RYR2: variants seen among roughly 807,000 people sequenced by gnomAD.
RYR2 encodes ryanodine receptor 2, also known as cardiac muscle ryanodine receptor-calcium release channel.
In RYR2, 227 loss-of-function variants were observed where a neutral mutation model predicts 601.1. That is an observed-to-expected ratio of 0.38 (90% confidence interval 0.34 to 0.42). The LOEUF is 0.42. RYR2 is among the 10% of genes least tolerant of loss of function. The pLI is 1.00. For missense variants in RYR2, 4,646 were observed against 6,156.5 expected, an observed-to-expected ratio of 0.75 and a Z score of 8.21; for synonymous variants, 2,223 against 2,175.1, an observed-to-expected ratio of 1.02 and a Z score of -0.61.
intron 2 of RYR2, among the ~76,000 whole-genome samples, chr1:237,304,878 A>C (rs1225835451): frequency 2.0e-5 from 3 of 152,236 alleles, no homozygotes; most frequent in Non-Finnish European, 4.4e-5. Context: ...CAATCAATAC[A>C]AAAGTGACAA....
chr1:237,179,969 A>G (rs1256312240), intron 1 of RYR2, among the ~76,000 whole-genome samples: 1 of 152,118 alleles, frequency 6.6e-6, no homozygotes, highest in Non-Finnish European at 1.5e-5. Flanking sequence ...AGCGCAGAGC[A>G]AGGTTTCAGA....
rs185646395 is a variant in RYR2, at chr1:237,209,701, T to A, written c.49-60796T>A. On this transcript the variant is annotated intron_variant, in intron 1 of 104. Coordinates refer to ENST00000366574, the MANE Select transcript of RYR2 (RefSeq NM_001035.3). The stretch of plus-strand genomic sequence containing the variant: ...GACCCTGTCTCTACAAAAAATTTTT[T>A]AAAAATTAGCCAGGTGTGGTGATGC... Among the ~76,000 whole-genome samples, 917 of 152,102 alleles carry A rather than the reference T, an allele frequency of 6.0e-3. 10 individuals are homozygous for A. The highest frequency in any genetic ancestry group is 0.034 in the Middle Eastern group (10 of 294).
chr1:237,374,828 A>G (rs1167832643), intron 7 of RYR2, 33 bp downstream of exon 7: 1 of 1,559,220 alleles, frequency 6.4e-7, no homozygotes, highest in African/African-American at 1.4e-5. Context: ...AGCCAGGTTC[A>G]GAGAGAACCC....
chr1:237,511,847 A>AC lies in RYR2; in HGVS notation c.2822+56_2822+57insC, dbSNP rs1460880466. 1.9e-5 allele frequency: 19 copies of AC among 1,013,954 alleles called. No homozygotes were observed. The Admixed American group carries it at 2.4e-4, about 13-fold the overall frequency. 62.8% of individuals were successfully genotyped at this position (1,013,954 alleles called of 1,614,324 possible). On this transcript the variant is annotated intron_variant, in intron 24 of 104. Coordinates refer to ENST00000366574, the MANE Select transcript of RYR2 (RefSeq NM_001035.3). ...CCTGCCTTCCCTGAAAAAAAAAAAA[A>AC]AAAAAAAAAAAACAGGTATTGATGC...
chr1:237,777,536 CCTTT>C (rs1694765516), intron 87 of RYR2, among the ~76,000 whole-genome samples: 2 of 151,994 alleles, frequency 1.3e-5, no homozygotes, highest in African/African-American at 2.4e-5. Flanking sequence ...GTACTTTTTT[CCTTT>C]CTAAGTAAAA....
At chr1:237,616,606 T>C (rs1481771224) in intron 37 of RYR2, among the ~76,000 whole-genome samples, 3 of 152,126 alleles carry the variant, frequency 2.0e-5, no homozygotes, top group African/African-American at 7.2e-5. Context: ...AACTCTAGTC[T>C]CTTATCACTG....
At chr1:237,403,117 A>T (rs1703537551) in intron 10 of RYR2, among the ~76,000 whole-genome samples, 2 of 152,180 alleles carry the variant, frequency 1.3e-5, no homozygotes, top group South Asian at 4.1e-4. Context: ...GAGTAAAGGA[A>T]GTATTTAATA....
intron 82 of RYR2, among the ~76,000 whole-genome samples, chr1:237,759,147 C>T (rs1693201198): frequency 1.3e-5 from 2 of 152,186 alleles, no homozygotes; most frequent in Non-Finnish European, 2.9e-5. Context: ...AGTGCAGTGG[C>T]ACCATCTCTG....
chr1:237,624,560 T>A (rs1006623575), intron 39 of RYR2, among the ~76,000 whole-genome samples: 11 of 152,172 alleles, frequency 7.2e-5, no homozygotes, highest in African/African-American at 2.4e-4. Context: ...TCACAAACAG[T>A]TGTATTTAAA....
chr1:237,773,397 A>G (rs570177583), intron 86 of RYR2, 123 bp from the exon 87 acceptor site: 27 of 596,354 alleles, frequency 4.5e-5, no homozygotes, highest in African/African-American at 4.4e-4. Context: ...CTTCACAGAT[A>G]TTTTTGTTTG....
At chr1:237,208,572 G>A (rs936463115) in intron 1 of RYR2, among the ~76,000 whole-genome samples, 1 of 152,004 alleles carries the variant, frequency 6.6e-6, no homozygotes, top group African/African-American at 2.4e-5. Context: ...CTGCTTTATG[G>A]TGGCATAATT....
At chr1:237,593,733 C>A in intron 33 of RYR2, 97 bp downstream of exon 33, 1 of 1,223,868 alleles carries the variant, frequency 8.2e-7, no homozygotes, top group Non-Finnish European at 1.2e-6. Context: ...CAAGGTATTT[C>A]TATTTATAGG....
intron 6 of RYR2, among the ~76,000 whole-genome samples, chr1:237,374,043 A>G (rs1700840669): frequency 6.6e-6 from 1 of 152,164 alleles, no homozygotes; most frequent in Non-Finnish European, 1.5e-5. Context: ...TGTCTTTTAT[A>G]AGGGAAGAAA....
chr1:237,618,742 C>T (rs1678762508), intron 38 of RYR2, among the ~76,000 whole-genome samples: 1 of 152,098 alleles, frequency 6.6e-6, no homozygotes, highest in Non-Finnish European at 1.5e-5. Flanking sequence ...AGTGGGGAAC[C>T]TTGACTTCCA....
chr1:237,066,673 G>A (rs755287336), intron 1 of RYR2, among the ~76,000 whole-genome samples: 4 of 145,656 alleles, frequency 2.7e-5, no homozygotes, highest in African/African-American at 5.1e-5. Flanking sequence ...ACGGAGTCTC[G>A]CTCTGTCGCC....
intron 29 of RYR2, among the ~76,000 whole-genome samples, chr1:237,575,789 T>C (rs1464364987): frequency 6.6e-6 from 1 of 152,188 alleles, no homozygotes; most frequent in East Asian, 1.9e-4. Context: ...TTTTCAAACT[T>C]GTAATATGAC....
In RYR2 at chr1:237,106,273, CCTGCACCAGCTCCCG is replaced by C. The variant is rs1668672391; in HGVS notation, c.48+63708_48+63722del. On this transcript the variant is annotated intron_variant, in intron 1 of 104. Transcript: ENST00000366574. The surrounding 1 kb of genome is among the most constrained non-coding windows in gnomAD (Gnocchi z 4.4). ...AGGGGTGGGCAGGGAGAACAGCTCCCCTGCACCAGCTCCCGCTGGGCTGCAGACAGGCTCTGATGT... is the reference window on the plus strand; with the variant it reads ...AGGGGTGGGCAGGGAGAACAGCTCCCCTGGGCTGCAGACAGGCTCTGATGT... 6.6e-6 allele frequency among the ~76,000 whole-genome samples: 1 copy of C among 152,210 alleles called. No individual in the cohort carries two copies. Among genetic ancestry groups the C allele is most frequent in the Non-Finnish European group, 1.5e-5 (1 of 68,038 alleles).
rs572217314 is a variant in RYR2 at position 237,390,573 on chromosome 1, T to C, written c.773+2390T>C. On this transcript the variant is annotated intron_variant, in intron 10 of 104. Transcript: ENST00000366574. ...AGAGGCAGCATTTAGCCAGATATGATTGAAAAGTTTGAGGGACTCTGGGCA... is the reference window on the plus strand; with the variant it reads ...AGAGGCAGCATTTAGCCAGATATGACTGAAAAGTTTGAGGGACTCTGGGCA... 2.6e-5 allele frequency among the ~76,000 whole-genome samples: 4 copies of C among 151,528 alleles called. No individual in the cohort carries two copies. The South Asian group carries it at 8.3e-4, about 31-fold the overall frequency.
At chr1:237,499,765 A>G (rs1344445747) in intron 20 of RYR2, among the ~76,000 whole-genome samples, 1 of 152,224 alleles carries the variant, frequency 6.6e-6, no homozygotes, top group Non-Finnish European at 1.5e-5. Flanking sequence ...AGAATTATTA[A>G]AAATACAAAG....
Sources: allele counts gnomAD v4.1 joint callset (sites outside exome capture counted in the v4.1 genomes callset), GRCh38; gene constraint gnomAD v4.1.1; non-coding constraint Gnocchi (gnomAD v3.1); transcripts MANE v1.5; gene names NCBI Gene and HGNC (gene_info 2026-07-23, HGNC 2026-07-21).